Variants in CYYR1 observed in about 807,000 individuals in gnomAD.
CYYR1 encodes cysteine and tyrosine rich 1.
Under a neutral mutation model 15.2 loss-of-function variants are expected in CYYR1, and 14 were observed. That is an observed-to-expected ratio of 0.92 (90% CI 0.61 to 1.44). The LOEUF (loss-of-function observed/expected upper bound fraction) is 1.44, where lower values mean the gene tolerates loss of function less well. Among genes scored for constraint, CYYR1 ranks in the 40% most tolerant of loss-of-function variants. The probability of loss-of-function intolerance (pLI) is 0.00; values close to 1 mark genes in which losing one functional copy is unlikely to be tolerated. For missense variants in CYYR1, 228 were observed against 209.5 expected (o/e 1.09, Z -0.54); for synonymous variants, 80 against 77.4 (o/e 1.03, Z -0.18).
At position 26,572,907 on chromosome 21, in the gene CYYR1, C is replaced by T; in HGVS notation, c.34G>A (p.Val12Ile). 2 of 1,614,060 alleles carry T rather than the reference C, an allele frequency of 1.2e-6. No individual in the cohort carries two copies. The highest frequency in any genetic ancestry group is 1.7e-6 in the Non-Finnish European group (2 of 1,180,002). Residue 12 changes from valine (V) to isoleucine (I), a missense_variant, in exon 1 of 4, where the codon GTC (valine) becomes ATC (isoleucine). Physicochemically the swap from Val to Ile is conservative, Grantham distance 29. Transcript: ENST00000652641. ...AGCAGGACCAACTTCGGAAGCAAGA[C>T]CCCTGGACGCACGGGTAGCCTCGGA... ...DAPRLPVRPG[V>I]LLPKLVLLFV...
At chr21:26,475,558 A>G (rs1203761283) in intron 3 of CYYR1, among the ~76,000 whole-genome samples, 3 of 152,112 alleles carry the variant, frequency 2.0e-5, no homozygotes, top group African/African-American at 7.2e-5. Context: ...CCATCAGTGT[A>G]CTAGCAAAAT....
chr21:26,500,670 G>A (rs1488386982), intron 2 of CYYR1, among the ~76,000 whole-genome samples: 1 of 152,104 alleles, frequency 6.6e-6, no homozygotes, highest in Non-Finnish European at 1.5e-5. Flanking sequence ...CCTGCACTGG[G>A]GGTGGGGAGG....
chr21:26,561,950 G>A (rs528181371), intron 2 of CYYR1, among the ~76,000 whole-genome samples: 5 of 152,190 alleles, frequency 3.3e-5, no homozygotes, highest in Admixed American at 2.0e-4. Flanking sequence ...TACCAACTCC[G>A]AAGAGGACTC....
chr21:26,519,037 C>T (rs1331500489), intron 2 of CYYR1, among the ~76,000 whole-genome samples: 1 of 152,084 alleles, frequency 6.6e-6, no homozygotes, highest in African/African-American at 2.4e-5. Flanking sequence ...GAAGATAGTT[C>T]CAAGTCTTAT....
At position 26,503,889 on chromosome 21, in the gene CYYR1, C is replaced by G. The variant is rs2830262; in HGVS notation, c.177-23460G>C. On this transcript the variant is annotated intron_variant, in intron 2 of 3. Coordinates refer to ENST00000652641, the MANE Select transcript of CYYR1 (RefSeq NM_001320768.2). Reference sequence around the variant, plus strand: ...GCATTTTCTTCATGGAAGACGCTGTCGAGTCCTCCTATTAATTATTTATTC... The same window carrying G: ...GCATTTTCTTCATGGAAGACGCTGTGGAGTCCTCCTATTAATTATTTATTC... Among the ~76,000 whole-genome samples the G allele has an allele frequency of 2.6e-5, 4 of 151,950 alleles. No homozygotes were observed. The South Asian group carries it at 8.3e-4, about 32-fold the overall frequency.
At chr21:26,531,902 A>C (rs1189370415) in intron 2 of CYYR1, among the ~76,000 whole-genome samples, 2 of 152,164 alleles carry the variant, frequency 1.3e-5, no homozygotes, top group Non-Finnish European at 2.9e-5. Flanking sequence ...GTTCAGCATG[A>C]AGAATGCCAT....
intron 2 of CYYR1, chr21:26,518,725 C>A (rs1320091264): frequency 6.6e-6 from 1 of 152,198 alleles, no homozygotes; most frequent in East Asian, 1.9e-4. Context: ...TATGATGCTG[C>A]CTGACCAATA....
chr21:26,527,585 A>C (rs1248920297), intron 2 of CYYR1, among the ~76,000 whole-genome samples: 1 of 152,174 alleles, frequency 6.6e-6, no homozygotes, highest in African/African-American at 2.4e-5. Flanking sequence ...AAAATGGCTT[A>C]TGTTGGCATG....
In CYYR1 at chr21:26,480,269, C is replaced by A. The variant is rs757535621; in HGVS notation, c.334+3G>T. Reference sequence around the variant, plus strand: ...GCCTTCGAGAGTCAACAGTTTTGCTCACCAGGATAGGAGGAGACGGTGTTG... The same window carrying A: ...GCCTTCGAGAGTCAACAGTTTTGCTAACCAGGATAGGAGGAGACGGTGTTG... On this transcript the variant is annotated splice_donor_region_variant and intron_variant, in intron 3 of 3. Transcript: ENST00000652641. 1 of 1,604,656 alleles carries A rather than the reference C, an allele frequency of 6.2e-7. No homozygotes were observed. The highest frequency in any genetic ancestry group is 1.7e-5 in the Admixed American group (1 of 57,962).
At chr21:26,488,989 A>G (rs2123434106) in intron 2 of CYYR1, among the ~76,000 whole-genome samples, 1 of 152,300 alleles carries the variant, frequency 6.6e-6, no homozygotes, top group Middle Eastern at 3.4e-3. Context: ...AATCTTACCT[A>G]ATACAATTCC....
intron 2 of CYYR1, among the ~76,000 whole-genome samples, chr21:26,517,007 C>T (rs370260811): frequency 6.9e-6 from 1 of 145,050 alleles, no homozygotes; most frequent in African/African-American, 2.6e-5. Flanking sequence ...CCCAGCTACT[C>T]GGGAGGCTGA....
chr21:26,533,293 G>C (rs951829682), intron 2 of CYYR1, among the ~76,000 whole-genome samples: 1 of 150,858 alleles, frequency 6.6e-6, no homozygotes. Flanking sequence ...ATTGGCTTAC[G>C]GAATTATGAG....
chr21:26,484,549 G>C (rs1377084991), intron 2 of CYYR1, among the ~76,000 whole-genome samples: 1 of 152,000 alleles, frequency 6.6e-6, no homozygotes, highest in East Asian at 1.9e-4. Flanking sequence ...AAGAAAAAAA[G>C]ATCTATGAAA....
At chr21:26,487,702 T>C (rs759752205) in intron 2 of CYYR1, among the ~76,000 whole-genome samples, 1 of 152,126 alleles carries the variant, frequency 6.6e-6, no homozygotes, top group Non-Finnish European at 1.5e-5. Flanking sequence ...TATTTACTTA[T>C]ATTAATCGTA....
intron 2 of CYYR1, among the ~76,000 whole-genome samples, chr21:26,552,579 TATAAGA>T (rs1047803857): frequency 2.0e-5 from 3 of 152,136 alleles, no homozygotes; most frequent in African/African-American, 4.8e-5. Flanking sequence ...TCTTTTCAGT[TATAAGA>T]ATATTTATTA....
rs965785268 is a variant in CYYR1 at position 26,510,479 on chromosome 21, C to T, written c.177-30050G>A. 6.6e-5 allele frequency among the ~76,000 whole-genome samples: 10 copies of T among 152,168 alleles called. No homozygotes were observed. In the South Asian group the frequency reaches 1.0e-3, roughly 16 times the overall value. On this transcript the variant is annotated intron_variant, in intron 2 of 3. Coordinates refer to ENST00000652641, the MANE Select transcript of CYYR1 (RefSeq NM_001320768.2). Reference sequence around the variant, plus strand: ...ATGTATAACAAACACTTAAGATTACCGAAAGCAAAATTCATTCAACAGTGA... The same window carrying T: ...ATGTATAACAAACACTTAAGATTACTGAAAGCAAAATTCATTCAACAGTGA...
At chr21:26,530,848 T>C (rs910608443) in intron 2 of CYYR1, among the ~76,000 whole-genome samples, 7 of 152,306 alleles carry the variant, frequency 4.6e-5, no homozygotes, top group Admixed American at 1.3e-4. Flanking sequence ...ACATTTTCTT[T>C]ATCCAGTCTA....
At chr21:26,527,284 A>T (rs2065879247) in intron 2 of CYYR1, among the ~76,000 whole-genome samples, 1 of 152,208 alleles carries the variant, frequency 6.6e-6, no homozygotes, top group Non-Finnish European at 1.5e-5. Flanking sequence ...TAGGGTTTGG[A>T]ATTTGGAATT....
At chr21:26,524,397 T>C (rs985094192) in intron 2 of CYYR1, among the ~76,000 whole-genome samples, 10 of 152,240 alleles carry the variant, frequency 6.6e-5, no homozygotes, top group African/African-American at 1.9e-4. Context: ...TTACATTGAA[T>C]GTTTTGGCCG....
Sources: allele counts gnomAD v4.1 joint callset (sites outside exome capture counted in the v4.1 genomes callset), GRCh38; gene constraint gnomAD v4.1.1; transcripts MANE v1.5; gene names NCBI Gene and HGNC (gene_info 2026-07-23, HGNC 2026-07-21).